Variants in PPP1R9A observed in about 807,000 individuals in gnomAD.
PPP1R9A encodes the protein neurabin-1.
In PPP1R9A, 59 loss-of-function variants were observed where a neutral mutation model predicts 141.9. The observed-to-expected ratio is 0.42, with a 90% confidence interval of 0.34 to 0.52. The LOEUF is 0.52. PPP1R9A is among the 20% of genes least tolerant of loss of function. The pLI is 0.10. For synonymous variants in PPP1R9A, 500 were observed against 569.7 expected, an observed-to-expected ratio of 0.88 and a Z score of 1.74; for missense variants, 1,444 against 1,611.9, an observed-to-expected ratio of 0.90 and a Z score of 1.78.
At chr7:95,109,218 T>C (rs1563248413) in intron 2 of PPP1R9A, among the ~76,000 whole-genome samples, 1 of 152,214 alleles carries the variant, frequency 6.6e-6, no homozygotes, top group Non-Finnish European at 1.5e-5. Context: ...TGAATTTCTG[T>C]TTATTCTTCA....
intron 2 of PPP1R9A, among the ~76,000 whole-genome samples, chr7:94,987,031 T>C (rs112731752): frequency 6.6e-6 from 1 of 152,208 alleles, no homozygotes; most frequent in African/African-American, 2.4e-5. Context: ...ATTGATAACA[T>C]GAACTATCCA....
rs951814370 is a variant in PPP1R9A at position 95,022,883 on chromosome 7, G to T, written c.1396-88376G>T. Among the ~76,000 whole-genome samples, 2 of 152,288 alleles carry T rather than the reference G, an allele frequency of 1.3e-5. 1 individual carries two copies. The highest frequency in any genetic ancestry group is 4.8e-5 in the African/African-American group (2 of 41,566). ...ATGTCCTGCTGGATTTGGTTTGCCA[G>T]TATTTTATTGAGGATTTTAGCATCA... On this transcript the variant is annotated intron_variant, in intron 2 of 19. Transcript: ENST00000433360.
chr7:95,034,777 GAAGT>G (rs753315913), intron 2 of PPP1R9A, among the ~76,000 whole-genome samples: 5 of 152,178 alleles, frequency 3.3e-5, no homozygotes, highest in Non-Finnish European at 2.9e-5. Flanking sequence ...TCTAGTTTGA[GAAGT>G]AAGAGATACT....
chr7:95,287,541 A>G (rs181062057), intron 18 of PPP1R9A, among the ~76,000 whole-genome samples: 1 of 152,258 alleles, frequency 6.6e-6, no homozygotes, highest in Non-Finnish European at 1.5e-5. Flanking sequence ...CTAGGAACCA[A>G]CCTGTCCCTT....
At chr7:95,160,663 C>T (rs1477265048) in intron 4 of PPP1R9A, among the ~76,000 whole-genome samples, 1 of 151,954 alleles carries the variant, frequency 6.6e-6, no homozygotes, top group East Asian at 1.9e-4. Context: ...TTTTTCAGCC[C>T]TTGCTTCCCT....
intron 2 of PPP1R9A, among the ~76,000 whole-genome samples, chr7:94,993,420 CA>C (rs1442851000): frequency 1.3e-5 from 2 of 152,078 alleles, no homozygotes; most frequent in African/African-American, 4.8e-5. Context: ...ATTAGCTTGT[CA>C]ATTTATACAA....
intron 12 of PPP1R9A, among the ~76,000 whole-genome samples, chr7:95,258,454 C>G (rs1799943131): frequency 6.6e-6 from 1 of 151,992 alleles, no homozygotes; most frequent in African/African-American, 2.4e-5. Flanking sequence ...AAATTTTCTT[C>G]CATTCTGTAG....
At chr7:95,018,928 GT>G (rs1805491042) in intron 2 of PPP1R9A, among the ~76,000 whole-genome samples, 1 of 152,148 alleles carries the variant, frequency 6.6e-6, no homozygotes, top group South Asian at 2.1e-4. Context: ...ACCCTTCATG[GT>G]TCTTGACATT....
chr7:95,127,169 G>GTT (rs1200680064), intron 4 of PPP1R9A, among the ~76,000 whole-genome samples: 1 of 151,822 alleles, frequency 6.6e-6, no homozygotes, highest in Non-Finnish European at 1.5e-5. Flanking sequence ...GTTAAAGATG[G>GTT]TTTTTATTTC....
chr7:95,243,196 T>C (rs1797694014), intron 8 of PPP1R9A, among the ~76,000 whole-genome samples: 1 of 152,160 alleles, frequency 6.6e-6, no homozygotes, highest in African/African-American at 2.4e-5. Flanking sequence ...ACATGACATC[T>C]GATCTGGCTA....
chr7:95,260,757 G>A (rs1278877738), intron 12 of PPP1R9A, among the ~76,000 whole-genome samples: 1 of 151,004 alleles, frequency 6.6e-6, no homozygotes, highest in Non-Finnish European at 1.5e-5. Flanking sequence ...GTAATTTTCT[G>A]TTCATTTTAG....
chr7:95,085,144 C>T lies in PPP1R9A; in HGVS notation c.1396-26115C>T, dbSNP rs1816430230. On this transcript the variant is annotated intron_variant, in intron 2 of 19. Transcript: ENST00000433360. ...ATTGCCTATTACTAGTAAAGTAGGA[C>T]CCTATGTCATGTGTTTATTAACCAT... Among the ~76,000 whole-genome samples, 6 of 151,894 alleles carry T rather than the reference C, an allele frequency of 4.0e-5. 1 individual carries two copies. In the South Asian group the frequency reaches 1.2e-3, roughly 31 times the overall value.
At chr7:95,147,824 C>T (rs1827917590) in intron 4 of PPP1R9A, among the ~76,000 whole-genome samples, 1 of 152,100 alleles carries the variant, frequency 6.6e-6, no homozygotes, top group South Asian at 2.1e-4. Flanking sequence ...GTTGAACCAG[C>T]CTTGCATCCC....
intron 3 of PPP1R9A, among the ~76,000 whole-genome samples, chr7:95,118,558 CT>C (rs1821926270): frequency 1.3e-5 from 2 of 152,224 alleles, no homozygotes; most frequent in Admixed American, 1.3e-4. Context: ...CAAGTGACAT[CT>C]TTTAAAACAT....
rs932379042 is a variant in PPP1R9A at position 95,294,115 on chromosome 7, C to T, written c.*3812C>T. On this transcript the variant is annotated 3_prime_UTR_variant, in exon 20 of 20. Transcript: ENST00000433360. The stretch of plus-strand genomic sequence containing the variant: ...CACGTCACCTACTTAATGCAAAGAC[C>T]TTAGTGGTCTCAGAATGAAAAGGTA... The T allele has an allele frequency of 1.3e-5, 2 of 152,136 alleles. No homozygotes were observed. The highest frequency in any genetic ancestry group is 2.9e-5 in the Non-Finnish European group (2 of 68,018). The allele number at this position is 152,136 out of a possible 1,614,324, so 9.4% of individuals were successfully genotyped here. A position where few individuals can be genotyped will look rare whatever the true frequency, so the allele number is the denominator to read the frequency against.
intron 2 of PPP1R9A, among the ~76,000 whole-genome samples, chr7:94,947,353 A>C (rs1796006495): frequency 6.6e-6 from 1 of 152,106 alleles, no homozygotes; most frequent in African/African-American, 2.4e-5. Context: ...GCTTCTTCTC[A>C]TCCCTAGCTT....
At chr7:95,151,671 A>G (rs1336931914) in intron 4 of PPP1R9A, among the ~76,000 whole-genome samples, 1 of 151,266 alleles carries the variant, frequency 6.6e-6, no homozygotes, top group Non-Finnish European at 1.5e-5. Flanking sequence ...TTTTTCTGTA[A>G]TATGTGAACC....
At chr7:95,177,398 G>A (rs966701463) in intron 5 of PPP1R9A, among the ~76,000 whole-genome samples, 28 of 151,894 alleles carry the variant, frequency 1.8e-4, no homozygotes, top group Admixed American at 1.6e-3. Context: ...TCATGGAAAC[G>A]CATCAAAACA....
chr7:94,993,898 G>A (rs1801825095), intron 2 of PPP1R9A, among the ~76,000 whole-genome samples: 1 of 152,094 alleles, frequency 6.6e-6, no homozygotes, highest in African/African-American at 2.4e-5. Flanking sequence ...CTGAATGTTG[G>A]ATAAAAATGG....
Sources: gnomAD v4.1 joint callset for allele counts (sites outside exome capture counted in the v4.1 genomes callset) on GRCh38, gnomAD v4.1.1 for gene constraint, MANE v1.5 for transcripts, NCBI Gene and HGNC (gene_info 2026-07-23, HGNC 2026-07-21) for gene names.